The following HCN1 variants were observed in gnomAD, a reference collection of about 807,000 sequenced individuals.
The protein encoded by HCN1 is hyperpolarization activated cyclic nucleotide gated potassium channel 1.
Under a neutral mutation model 78.9 loss-of-function variants are expected in HCN1, and 13 were observed. The ratio of observed to expected loss-of-function variants is 0.16; its 90% confidence interval spans 0.11 to 0.26. The LOEUF (loss-of-function observed/expected upper bound fraction) is 0.26. HCN1 is among the 10% of genes least tolerant of loss of function. The pLI, the probability that HCN1 is intolerant of heterozygous loss-of-function variation, is 1.00. For missense variants in HCN1, 810 were observed against 1,154.3 expected, an observed-to-expected ratio of 0.70 and a Z score of 4.32; for synonymous variants, 552 against 455.5, an observed-to-expected ratio of 1.21 and a Z score of -2.70.
intron 3 of HCN1, among the ~76,000 whole-genome samples, chr5:45,438,035 A>G (rs1041959056): frequency 1.3e-5 from 2 of 152,242 alleles, no homozygotes; most frequent in Non-Finnish European, 1.5e-5. Flanking sequence ...AACCCAAGAT[A>G]GAAGGTGACC....
intron 2 of HCN1, among the ~76,000 whole-genome samples, chr5:45,529,715 T>C (rs930596837): frequency 1.3e-5 from 2 of 152,044 alleles, no homozygotes; most frequent in Non-Finnish European, 2.9e-5. Flanking sequence ...AAAGTTAAGG[T>C]CTTAAGGAAA....
chr5:45,420,894 T>G (rs1024288233), intron 3 of HCN1, among the ~76,000 whole-genome samples: 1 of 152,184 alleles, frequency 6.6e-6, no homozygotes, highest in African/African-American at 2.4e-5. Flanking sequence ...ACAGCTAACT[T>G]GTCTAATCCA....
intron 2 of HCN1, among the ~76,000 whole-genome samples, chr5:45,527,584 C>A (rs1335509386): frequency 6.6e-6 from 1 of 150,954 alleles, no homozygotes; most frequent in Non-Finnish European, 1.5e-5. Flanking sequence ...TCTCTCCCAT[C>A]ATTCTCATTC....
chr5:45,370,604 GT>G (rs1200297352), intron 4 of HCN1, among the ~76,000 whole-genome samples: 15 of 151,896 alleles, frequency 9.9e-5, no homozygotes, highest in Non-Finnish European at 1.3e-4. Context: ...GATGTTCAAA[GT>G]TTTTATATAA....
At position 45,261,886 on chromosome 5, in the gene HCN1, A is replaced by G; in HGVS notation, c.*35T>C. The G allele has an allele frequency of 1.2e-6, 2 of 1,612,954 alleles. No individual in the cohort carries two copies. Among genetic ancestry groups the G allele is most frequent in the Non-Finnish European group, 1.7e-6 (2 of 1,179,344 alleles). On this transcript the variant is annotated 3_prime_UTR_variant, in exon 8 of 8. Transcript: ENST00000303230. ...GATCTGAGTATAGTCTCAGTTTATG[A>G]GAGTATTTCTTTCTGCTTTGACAAT... is the stretch of plus-strand genomic sequence containing the variant.
At position 45,318,624 on chromosome 5, in the gene HCN1, A is replaced by G. The variant is rs546470839; in HGVS notation, c.1378-14785T>C. On this transcript the variant is annotated intron_variant, in intron 5 of 7. Coordinates refer to ENST00000303230, the MANE Select transcript of HCN1 (RefSeq NM_021072.4). ...TATAATAAAAAAAGAAAAAAAAAGT[A>G]TTTGCTTACAGCAGTCCTTCCCATT... Among the ~76,000 whole-genome samples the G allele has an allele frequency of 1.8e-3, 280 of 151,848 alleles. 1 individual carries two copies. The highest frequency in any genetic ancestry group is 6.5e-3 in the African/African-American group (270 of 41,472).
intron 2 of HCN1, among the ~76,000 whole-genome samples, chr5:45,571,843 G>A (rs747856634): frequency 6.6e-5 from 10 of 152,162 alleles, no homozygotes. Flanking sequence ...GAACCTGGGA[G>A]GCAGAGGTTG....
intron 6 of HCN1, among the ~76,000 whole-genome samples, chr5:45,303,193 GT>G (rs1421351577): frequency 2.0e-5 from 3 of 152,184 alleles, no homozygotes; most frequent in Admixed American, 1.3e-4. Context: ...GAAGCTGTTA[GT>G]TTTTCATTTC....
At chr5:45,607,358 G>T (rs975618441) in intron 2 of HCN1, among the ~76,000 whole-genome samples, 1 of 151,488 alleles carries the variant, frequency 6.6e-6, no homozygotes, top group African/African-American at 2.4e-5. Context: ...AGGTCATTTT[G>T]ATAAAAGAAA....
At chr5:45,459,538 C>T (rs1741101362) in intron 3 of HCN1, among the ~76,000 whole-genome samples, 1 of 151,904 alleles carries the variant, frequency 6.6e-6, no homozygotes, top group South Asian at 2.1e-4. Context: ...CAAACACACA[C>T]ATGAACACAC....
chr5:45,570,769 T>C (rs186622956), intron 2 of HCN1, among the ~76,000 whole-genome samples: 1 of 152,280 alleles, frequency 6.6e-6, no homozygotes, highest in East Asian at 1.9e-4. Flanking sequence ...AGTAGATAAA[T>C]AGAGTACTAA....
In HCN1 at chr5:45,334,405, G is replaced by C. The variant is rs564828252; in HGVS notation, c.1377+18695C>G. Among the ~76,000 whole-genome samples the C allele has an allele frequency of 2.5e-4, 38 of 151,760 alleles. No homozygotes were observed. The South Asian group carries it at 7.7e-3, about 31-fold the overall frequency. ...ACTGAGGACTTTTCAGTCTATTCCAGGCCATGGTGAACACACTTTTTTTTT... is the reference window on the plus strand; with the variant it reads ...ACTGAGGACTTTTCAGTCTATTCCACGCCATGGTGAACACACTTTTTTTTT... On this transcript the variant is annotated intron_variant, in intron 5 of 7. Coordinates refer to ENST00000303230, the MANE Select transcript of HCN1 (RefSeq NM_021072.4).
intron 2 of HCN1, among the ~76,000 whole-genome samples, chr5:45,544,391 G>A (rs914372106): frequency 1.1e-4 from 17 of 151,754 alleles, no homozygotes; most frequent in African/African-American, 3.6e-4. Context: ...CTACTTGTTC[G>A]TATTTAGAAA....
chr5:45,375,028 C>G (rs1747573585), intron 4 of HCN1, among the ~76,000 whole-genome samples: 1 of 130,820 alleles, frequency 7.6e-6, no homozygotes, highest in Non-Finnish European at 1.6e-5. Flanking sequence ...TCCTATTATT[C>G]AGTATATACT....
At chr5:45,305,981 G>T (rs1364697266) in intron 5 of HCN1, among the ~76,000 whole-genome samples, 1 of 152,096 alleles carries the variant, frequency 6.6e-6, no homozygotes, top group Non-Finnish European at 1.5e-5. Context: ...CAAGCAAATG[G>T]CTTGAGAGAC....
At chr5:45,598,583 G>C (rs1328559147) in intron 2 of HCN1, among the ~76,000 whole-genome samples, 5 of 152,034 alleles carry the variant, frequency 3.3e-5, no homozygotes, top group Non-Finnish European at 5.9e-5. Context: ...TAATTAAACT[G>C]AAGAGCTTCT....
intron 4 of HCN1, among the ~76,000 whole-genome samples, chr5:45,376,560 T>A (rs1031180978): frequency 6.6e-6 from 1 of 151,244 alleles, no homozygotes; most frequent in Non-Finnish European, 1.5e-5. Flanking sequence ...TCTTCTAAAA[T>A]TTAAAGGATG....
At chr5:45,608,816 A>G (rs1661657456) in intron 2 of HCN1, among the ~76,000 whole-genome samples, 1 of 152,082 alleles carries the variant, frequency 6.6e-6, no homozygotes, top group Non-Finnish European at 1.5e-5. Context: ...AAAAGACAAA[A>G]TTAAATAAGT....
intron 2 of HCN1, among the ~76,000 whole-genome samples, chr5:45,517,824 T>C (rs547675158): frequency 1.8e-4 from 28 of 152,104 alleles, no homozygotes; most frequent in African/African-American, 6.0e-4. Flanking sequence ...CATGATAATA[T>C]CCCCAATGAA....
Sources: gnomAD v4.1 joint callset for allele counts (sites outside exome capture counted in the v4.1 genomes callset) on GRCh38, gnomAD v4.1.1 for gene constraint, MANE v1.5 for transcripts, NCBI Gene and HGNC (gene_info 2026-07-23, HGNC 2026-07-21) for gene names.